WWOX: variants seen among roughly 807,000 people sequenced by gnomAD.
WWOX encodes WW domain-containing oxidoreductase.
A neutral mutation model predicts 46.2 loss-of-function variants in WWOX; 69 were observed. The ratio of observed to expected loss-of-function variants is 1.49; its 90% CI spans 1.23 to 1.82. The LOEUF (loss-of-function observed/expected upper bound fraction) is 1.82, where lower values mean the gene tolerates loss of function less well. WWOX is among the 40% of genes most tolerant of loss of function. The pLI, the probability that WWOX is intolerant of heterozygous loss-of-function variation, is 0.00. For missense variants in WWOX, 919 were observed against 542.6 expected, an observed-to-expected ratio of 1.69 and a Z score of -6.89; for synonymous variants, 359 against 202.6, an observed-to-expected ratio of 1.77 and a Z score of -6.56.
chr16:78,478,257 T>G (rs1260372288), intron 8 of WWOX, among the ~76,000 whole-genome samples: 1 of 152,198 alleles, frequency 6.6e-6, no homozygotes, highest in East Asian at 1.9e-4. Flanking sequence ...TATGGCCTAT[T>G]CCATTCTTTT....
intron 5 of WWOX, among the ~76,000 whole-genome samples, chr16:78,262,894 C>G (rs181726849): frequency 3.4e-3 from 518 of 152,280 alleles, no homozygotes; most frequent in Non-Finnish European, 5.5e-3. Flanking sequence ...GCCTGAGAAG[C>G]TATTTGCAGC....
chr16:78,840,384 G>T (rs923299727), intron 8 of WWOX, among the ~76,000 whole-genome samples: 6 of 152,154 alleles, frequency 3.9e-5, no homozygotes, highest in African/African-American at 1.4e-4. Flanking sequence ...TACGTCTGTG[G>T]TTGACAAATT....
intron 8 of WWOX, among the ~76,000 whole-genome samples, chr16:78,682,759 C>G (rs1157926141): frequency 6.6e-6 from 1 of 152,146 alleles, no homozygotes; most frequent in East Asian, 1.9e-4. Flanking sequence ...TATTTCTCCC[C>G]TTCACGGTAA....
chr16:79,172,996 G>C (rs1000985632), intron 8 of WWOX, among the ~76,000 whole-genome samples: 1 of 152,220 alleles, frequency 6.6e-6, no homozygotes, highest in Admixed American at 6.5e-5. Context: ...ACTCCAGGCT[G>C]TGTGACAGAG....
At chr16:78,303,463 G>A (rs1338929532) in intron 5 of WWOX, among the ~76,000 whole-genome samples, 1 of 152,150 alleles carries the variant, frequency 6.6e-6, no homozygotes, top group Non-Finnish European at 1.5e-5. Context: ...AGGGAGTTGA[G>A]TGAGCTTGGA....
At chr16:78,991,774 T>C (rs961131331) in intron 8 of WWOX, among the ~76,000 whole-genome samples, 1 of 151,986 alleles carries the variant, frequency 6.6e-6, no homozygotes, top group Non-Finnish European at 1.5e-5. Context: ...TTAACACATT[T>C]CCGTGTTCCC....
chr16:79,048,197 C>T (rs970904697), intron 8 of WWOX, among the ~76,000 whole-genome samples: 2 of 152,142 alleles, frequency 1.3e-5, no homozygotes, highest in Non-Finnish European at 2.9e-5. Flanking sequence ...ATTTTTTGAA[C>T]TGAAGGGCAG....
intron 8 of WWOX, among the ~76,000 whole-genome samples, chr16:78,663,667 G>C (rs2047266698): frequency 1.3e-5 from 2 of 152,164 alleles, no homozygotes; most frequent in African/African-American, 4.8e-5. Context: ...GATGTGTCTT[G>C]ACATGTCTGA....
In WWOX at chr16:78,348,498, C is replaced by G. The variant is rs747599313; in HGVS notation, c.517-38362C>G. Reference sequence around the variant, plus strand: ...GTTTTTTGAGACAGGGTCTCTGTCGCTCAGGCTGGATTGAGTGCAGTGAAT... The same window carrying G: ...GTTTTTTGAGACAGGGTCTCTGTCGGTCAGGCTGGATTGAGTGCAGTGAAT... On this transcript the variant is annotated intron_variant, in intron 5 of 8. Transcript: ENST00000566780. 1.6e-5 allele frequency among the ~76,000 whole-genome samples: 2 copies of G among 121,216 alleles called. 1 individual carries two copies. Among genetic ancestry groups the G allele is most frequent in the East Asian group, 3.9e-4 (2 of 5,174 alleles). The allele number at this position is 121,216 out of a possible 152,430, so 79.5% of individuals were successfully genotyped here.
chr16:78,413,467 C>T (rs1160275898), intron 6 of WWOX, among the ~76,000 whole-genome samples: 1 of 152,114 alleles, frequency 6.6e-6, no homozygotes, highest in Non-Finnish European at 1.5e-5. Context: ...GGGTGGATCT[C>T]ACAAAGTACA....
intron 8 of WWOX, among the ~76,000 whole-genome samples, chr16:78,776,337 C>G (rs149704254): frequency 2.0e-5 from 3 of 152,004 alleles, no homozygotes; most frequent in Non-Finnish European, 4.4e-5. Context: ...CTTGGCATCT[C>G]GTGCGAAGCC....
At position 78,492,265 on chromosome 16, in the gene WWOX, C is replaced by A. The variant is rs1008841139; in HGVS notation, c.1056+59513C>A. On this transcript the variant is annotated intron_variant, in intron 8 of 8. Transcript: ENST00000566780. The stretch of plus-strand genomic sequence containing the variant: ...GGCAGTAGAGGTTGGACGAGACACT[C>A]ATTCCGAAGGCGGGTGTGTATGTGC... Among the ~76,000 whole-genome samples, 14 of 152,308 alleles carry A rather than the reference C, an allele frequency of 9.2e-5. 1 individual carries two copies. In the East Asian group the frequency reaches 2.7e-3, roughly 29 times the overall value.
At chr16:78,617,673 A>C (rs893059606) in intron 8 of WWOX, among the ~76,000 whole-genome samples, 1 of 152,160 alleles carries the variant, frequency 6.6e-6, no homozygotes. Flanking sequence ...CATGGCGCTC[A>C]GGTATTCCAG....
chr16:78,650,006 C>G (rs1463351478), intron 8 of WWOX, among the ~76,000 whole-genome samples: 1 of 152,062 alleles, frequency 6.6e-6, no homozygotes, highest in Admixed American at 6.6e-5. Context: ...TTTTTTCTTT[C>G]AATTACAGTA....
chr16:78,630,341 C>T (rs1028499951), intron 8 of WWOX, among the ~76,000 whole-genome samples: 1 of 152,132 alleles, frequency 6.6e-6, no homozygotes, highest in Non-Finnish European at 1.5e-5. Context: ...GTCACCATTC[C>T]CAGATCAGAT....
intron 8 of WWOX, among the ~76,000 whole-genome samples, chr16:78,442,884 A>G (rs2151398103): frequency 6.6e-6 from 1 of 152,160 alleles, no homozygotes; most frequent in Admixed American, 6.5e-5. Flanking sequence ...GCACTTTGGG[A>G]GGCCGAGCCG....
intron 8 of WWOX, among the ~76,000 whole-genome samples, chr16:78,698,306 A>C (rs2048142657): frequency 6.6e-6 from 1 of 152,242 alleles, no homozygotes; most frequent in South Asian, 2.1e-4. Flanking sequence ...ATCAGTGTGC[A>C]GACGAAGGGA....
At chr16:79,159,264 G>A (rs1463747706) in intron 8 of WWOX, among the ~76,000 whole-genome samples, 1 of 152,134 alleles carries the variant, frequency 6.6e-6, no homozygotes, top group East Asian at 1.9e-4. Flanking sequence ...AATCTCATTC[G>A]GTGCATACGC....
At chr16:78,458,811 G>C in intron 8 of WWOX, among the ~76,000 whole-genome samples, 1 of 152,094 alleles carries the variant, frequency 6.6e-6, no homozygotes, top group Non-Finnish European at 1.5e-5. Context: ...ATCTGTGTGT[G>C]TTGGGGGTGG....
Sources: allele counts gnomAD v4.1 joint callset (sites outside exome capture counted in the v4.1 genomes callset), GRCh38; gene constraint gnomAD v4.1.1; transcripts MANE v1.5; gene names NCBI Gene and HGNC (gene_info 2026-07-23, HGNC 2026-07-21).